Variants in CTNND2 observed in about 807,000 individuals in gnomAD.
CTNND2 encodes the protein catenin delta-2.
CTNND2 carries 22 observed loss-of-function variants against 144.4 expected under a neutral mutation model. That is an observed-to-expected ratio of 0.15 (90% CI 0.11 to 0.22). The LOEUF (loss-of-function observed/expected upper bound fraction) is 0.22, where lower values mean the gene tolerates loss of function less well. CTNND2 is among the 10% of genes least tolerant of loss of function. The probability of loss-of-function intolerance (pLI) is 1.00; values close to 1 mark genes in which losing one functional copy is unlikely to be tolerated. For missense variants in CTNND2, 1,353 were observed against 1,618.8 expected, an observed-to-expected ratio of 0.84 and a Z score of 2.82; for synonymous variants, 751 against 695.6, an observed-to-expected ratio of 1.08 and a Z score of -1.25.
intron 2 of CTNND2, among the ~76,000 whole-genome samples, chr5:11,655,183 T>A (rs1481190207): frequency 2.6e-5 from 4 of 152,098 alleles, no homozygotes; most frequent in Non-Finnish European, 5.9e-5. Context: ...TTAAATAGAT[T>A]TAGCACTAAA....
intron 9 of CTNND2, among the ~76,000 whole-genome samples, chr5:11,316,468 TTTATTA>T (rs57708081): frequency 0.14 from 10,300 of 73,180 alleles, 789 homozygotes; most frequent in African/African-American, 0.23. Flanking sequence ...TCCACTATTT[TTTATTA>T]TTATTATTAT....
intron 2 of CTNND2, among the ~76,000 whole-genome samples, chr5:11,579,874 T>C (rs918230963): frequency 6.6e-6 from 1 of 152,322 alleles, no homozygotes; most frequent in Non-Finnish European, 1.5e-5. Context: ...CCTCCCCGGC[T>C]GCGGCGTCCA....
At chr5:11,102,812 T>C (rs1752028250) in intron 14 of CTNND2, among the ~76,000 whole-genome samples, 1 of 152,032 alleles carries the variant, frequency 6.6e-6, no homozygotes, top group African/African-American at 2.4e-5. Context: ...GCATACATAA[T>C]GGCCCCTGTA....
intron 9 of CTNND2, among the ~76,000 whole-genome samples, chr5:11,308,713 A>C (rs2150045921): frequency 6.6e-6 from 1 of 152,338 alleles, no homozygotes; most frequent in South Asian, 2.1e-4. Context: ...TACTGATGCA[A>C]ATCCAGACAA....
chr5:11,339,653 G>T (rs1391547815), intron 9 of CTNND2, among the ~76,000 whole-genome samples: 2 of 152,284 alleles, frequency 1.3e-5, no homozygotes, highest in Non-Finnish European at 2.9e-5. Context: ...GCATTAGGAG[G>T]TGGAGATGTT....
intron 1 of CTNND2, among the ~76,000 whole-genome samples, chr5:11,801,830 C>A (rs190814818): frequency 1.3e-5 from 2 of 152,086 alleles, no homozygotes; most frequent in Non-Finnish European, 2.9e-5. Context: ...GTGTATTTTA[C>A]AGTGATTTGT....
At chr5:11,292,472 G>A (rs1748451823) in intron 9 of CTNND2, among the ~76,000 whole-genome samples, 2 of 152,094 alleles carry the variant, frequency 1.3e-5, no homozygotes, top group East Asian at 3.9e-4. Flanking sequence ...TGGAGGGCGG[G>A]ATGTGGTGGG....
Position 11,903,841 on chromosome 5 carries a change from T to G in CTNND2, c.13A>C (p.Lys5Gln). 1.3e-6 allele frequency: 2 copies of G among 1,481,486 alleles called. No homozygotes were observed. The highest frequency in any genetic ancestry group is 1.8e-6 in the Non-Finnish European group (2 of 1,122,578). The allele number at this position is 1,481,486 out of a possible 1,614,324, so 91.8% of individuals were successfully genotyped here. A position where few individuals can be genotyped will look rare whatever the true frequency, so the allele number is the denominator to read the frequency against. The change falls in exon 1 of 22, where the codon AAG (lysine) becomes CAG (glutamine). Residue 5 changes from lysine to glutamine, a missense_variant. Physicochemically the swap from Lys to Gln is moderately conservative, Grantham distance 53 (BLOSUM62 1). Transcript: ENST00000304623. This position sits in a 1 kb window ranked among gnomAD's most constrained non-coding sequence, Gnocchi z 5.4. ...CCCAAAGGCGCGGCGCCCGGCGGCT[T>G]CCTCGCAAACATGCACCCTCCGCCG... MFAR[K>Q]PPGAAPLGAM...
In CTNND2 at chr5:11,321,522, G is replaced by A. The variant is rs565630253; in HGVS notation, c.1628+24850C>T. Among the ~76,000 whole-genome samples the A allele has an allele frequency of 6.6e-5, 10 of 152,274 alleles. No individual in the cohort carries two copies. In the East Asian group the frequency reaches 1.7e-3, roughly 26 times the overall value. On this transcript the variant is annotated intron_variant, in intron 9 of 21. Coordinates refer to ENST00000304623, the MANE Select transcript of CTNND2 (RefSeq NM_001332.4). ...ACATATTGCTATTTAAGAAAGCCCT[G>A]TAATAGCTGCAAAAGTCATCCTTAT...
At chr5:11,456,820 T>G (rs1765776228) in intron 3 of CTNND2, among the ~76,000 whole-genome samples, 1 of 152,302 alleles carries the variant, frequency 6.6e-6, no homozygotes, top group South Asian at 2.1e-4. Context: ...GCACTACTTA[T>G]TTTTCTACAT....
chr5:11,784,716 C>G (rs1439421748), intron 1 of CTNND2, among the ~76,000 whole-genome samples: 2 of 152,150 alleles, frequency 1.3e-5, no homozygotes, highest in Non-Finnish European at 2.9e-5. Flanking sequence ...CTATTGTTGG[C>G]TTAGAAGAAG....
intron 12 of CTNND2, among the ~76,000 whole-genome samples, chr5:11,147,043 A>G (rs1757309337): frequency 1.3e-5 from 2 of 152,232 alleles, no homozygotes; most frequent in Non-Finnish European, 2.9e-5. Flanking sequence ...AGGGCCATTC[A>G]TCAATTCAGT....
At chr5:11,204,929 A>G (rs1471498262) in intron 10 of CTNND2, among the ~76,000 whole-genome samples, 1 of 152,164 alleles carries the variant, frequency 6.6e-6, no homozygotes, top group Non-Finnish European at 1.5e-5. Context: ...CATTTGCAAA[A>G]GGGAGGGATT....
intron 1 of CTNND2, among the ~76,000 whole-genome samples, chr5:11,892,091 C>G (rs533600097): frequency 1.3e-5 from 2 of 152,368 alleles, no homozygotes; most frequent in African/African-American, 4.8e-5. Flanking sequence ...TAACATCACA[C>G]ATCTGCACAT....
intron 2 of CTNND2, among the ~76,000 whole-genome samples, chr5:11,619,024 AGTT>A (rs1780708642): frequency 6.6e-6 from 1 of 152,172 alleles, no homozygotes; most frequent in African/African-American, 2.4e-5. Context: ...CATTTTTAAA[AGTT>A]ATTATGTTAT....
At chr5:10,977,632 T>C (rs946137650) in intron 21 of CTNND2, among the ~76,000 whole-genome samples, 5 of 152,194 alleles carry the variant, frequency 3.3e-5, no homozygotes, top group Non-Finnish European at 7.3e-5. Flanking sequence ...TTTGTATTTT[T>C]TGTAGACACA....
chr5:11,218,471 G>T (rs26474), intron 10 of CTNND2, among the ~76,000 whole-genome samples: 78,330 of 151,928 alleles, frequency 0.52, 20,450 homozygotes, highest in East Asian at 0.74. Flanking sequence ...ATGGGTAAGG[G>T]AATGAGCATA....
At chr5:11,225,203 C>T (rs573618294) in intron 10 of CTNND2, among the ~76,000 whole-genome samples, 11 of 152,258 alleles carry the variant, frequency 7.2e-5, no homozygotes, top group South Asian at 2.1e-4. Flanking sequence ...CCCTGAACAG[C>T]GACCACCAGT....
chr5:11,454,894 G>A (rs1233426525), intron 3 of CTNND2, among the ~76,000 whole-genome samples: 5 of 150,790 alleles, frequency 3.3e-5, no homozygotes, highest in African/African-American at 4.9e-5. Context: ...GAGCCACCGC[G>A]CCTGGCTTTT....
Sources: gnomAD v4.1 joint callset for allele counts (sites outside exome capture counted in the v4.1 genomes callset) on GRCh38, gnomAD v4.1.1 for gene constraint, Gnocchi (gnomAD v3.1) non-coding constraint, MANE v1.5 for transcripts, NCBI Gene and HGNC (gene_info 2026-07-23, HGNC 2026-07-21) for gene names.